LRRC37A2: variants seen among roughly 807,000 people sequenced by gnomAD.
LRRC37A2 encodes the protein leucine rich repeat containing 37 member A2, also known as leucine-rich repeat-containing protein 37A2.
LRRC37A2 carries 9 observed loss-of-function variants against 68.8 expected under a neutral mutation model. That is an observed-to-expected ratio of 0.13 (90% CI 0.08 to 0.23). The LOEUF (loss-of-function observed/expected upper bound fraction) is 0.23, where lower values mean the gene tolerates loss of function less well. LRRC37A2 is among the 10% of genes least tolerant of loss of function. The probability of loss-of-function intolerance (pLI) is 1.00; values close to 1 mark genes in which losing one functional copy is unlikely to be tolerated. For synonymous variants in LRRC37A2, 63 were observed against 367.6 expected (o/e 0.17, Z 9.48); for missense variants, 168 against 950.4 (o/e 0.18, Z 10.82).
chr17:46,605,187 C>T, the LRRC37A2 span, among the ~76,000 whole-genome samples: 1 of 68,188 alleles, frequency 1.5e-5, no homozygotes, highest in Non-Finnish European at 3.2e-5. Flanking sequence ...CATGGTGGCT[C>T]ACGCCTGTAA....
At chr17:46,849,114 G>T in the LRRC37A2 span, among the ~76,000 whole-genome samples, 1 of 152,238 alleles carries the variant, frequency 6.6e-6, no homozygotes, top group Non-Finnish European at 1.5e-5. Context: ...ACCTGGTACA[G>T]TTCTAACATC....
chr17:46,748,116 T>A, the LRRC37A2 span, among the ~76,000 whole-genome samples: 2 of 152,172 alleles, frequency 1.3e-5, no homozygotes, highest in Non-Finnish European at 2.9e-5. Context: ...TTTATTTATT[T>A]ATTTTTTTGA....
the LRRC37A2 span, among the ~76,000 whole-genome samples, chr17:46,748,625 G>T: frequency 6.6e-6 from 1 of 152,208 alleles, no homozygotes; most frequent in Non-Finnish European, 1.5e-5. Context: ...AGAGAGGAAA[G>T]CTCCAGAACT....
the LRRC37A2 span, among the ~76,000 whole-genome samples, chr17:46,752,504 G>A: frequency 6.6e-6 from 1 of 151,810 alleles, no homozygotes; most frequent in African/African-American, 2.4e-5. Flanking sequence ...CTCCCAGGCC[G>A]GAATGCAGTG....
chr17:46,781,227 C>A, the LRRC37A2 span, among the ~76,000 whole-genome samples: 2 of 55,456 alleles, frequency 3.6e-5, no homozygotes, highest in South Asian at 1.2e-3. Context: ...CTCTGTCCCC[C>A]CAACCAAAAA....
At chr17:47,033,716 T>A in the LRRC37A2 span, among the ~76,000 whole-genome samples, 3 of 152,232 alleles carry the variant, frequency 2.0e-5, no homozygotes, top group Non-Finnish European at 4.4e-5. Context: ...ACAGAAGAAT[T>A]TGGAGGGAAA....
chr17:46,843,102 G>A, the LRRC37A2 span, among the ~76,000 whole-genome samples: 3 of 152,234 alleles, frequency 2.0e-5, no homozygotes, highest in African/African-American at 4.8e-5. Context: ...TCATGAGGAA[G>A]AAGGTGGGCA....
chr17:46,728,311 A>G, the LRRC37A2 span, among the ~76,000 whole-genome samples: 5 of 152,162 alleles, frequency 3.3e-5, no homozygotes, highest in African/African-American at 1.2e-4. Context: ...ATTTTCTAAC[A>G]TCATGTTTTA....
At chr17:46,714,082 A>T in the LRRC37A2 span, 2 of 1,286,254 alleles carry the variant, frequency 1.6e-6, no homozygotes, top group Non-Finnish European at 2.1e-6. Context: ...ATATAAACCC[A>T]TAGCAACTAT....
At chr17:46,759,487 TTCTG>T in the LRRC37A2 span, among the ~76,000 whole-genome samples, 12 of 152,236 alleles carry the variant, frequency 7.9e-5, no homozygotes, top group Non-Finnish European at 1.8e-4. Flanking sequence ...GCCATGCAAC[TTCTG>T]TCTCACTATT....
chr17:46,952,163 T>C, the LRRC37A2 span, among the ~76,000 whole-genome samples: 6 of 152,246 alleles, frequency 3.9e-5, no homozygotes, highest in African/African-American at 1.4e-4. Flanking sequence ...ATCTCGTCTT[T>C]GGACTACAAA....
chr17:46,925,247 G>A, the LRRC37A2 span, among the ~76,000 whole-genome samples: 4 of 152,224 alleles, frequency 2.6e-5, no homozygotes, highest in Non-Finnish European at 5.9e-5. Context: ...ACTAATTGAT[G>A]TACCTGTGTT....
chr17:46,933,020 T>C, the LRRC37A2 span: 2 of 152,340 alleles, frequency 1.3e-5, no homozygotes, highest in East Asian at 3.8e-4. Context: ...TCCCAAGTGT[T>C]TCAGGCTGTG....
At chr17:47,042,276 C>A in the LRRC37A2 span, among the ~76,000 whole-genome samples, 11 of 149,932 alleles carry the variant, frequency 7.3e-5, no homozygotes, top group African/African-American at 2.7e-4. Flanking sequence ...CTGCAACCTC[C>A]ACCTCCCGGG....
the LRRC37A2 span, chr17:46,755,460 G>GT: frequency 9.0e-7 from 1 of 1,109,238 alleles, no homozygotes; most frequent in Admixed American, 1.8e-5. Flanking sequence ...TCCTAGATAA[G>GT]TTTGTTTCCA....
At chr17:46,716,281 G>GA in the LRRC37A2 span, among the ~76,000 whole-genome samples, 2 of 148,858 alleles carry the variant, frequency 1.3e-5, no homozygotes, top group Admixed American at 6.7e-5. Flanking sequence ...TTTTGAGATG[G>GA]AGTCTTGCTC....
the LRRC37A2 span, among the ~76,000 whole-genome samples, chr17:46,710,593 T>C: frequency 6.6e-6 from 1 of 152,266 alleles, no homozygotes; most frequent in Non-Finnish European, 1.5e-5. Context: ...TCTATTGCGC[T>C]GTTTCTAAGT....
chr17:46,910,434 T>C, the LRRC37A2 span, among the ~76,000 whole-genome samples: 1 of 152,186 alleles, frequency 6.6e-6, no homozygotes, highest in Non-Finnish European at 1.5e-5. Flanking sequence ...CGAGTGCCGC[T>C]GCTCTAGTGA....
At chr17:46,993,571 G>A in the LRRC37A2 span, among the ~76,000 whole-genome samples, 1,482 of 152,354 alleles carry the variant, frequency 9.7e-3, 29 homozygotes, top group African/African-American at 0.034. Flanking sequence ...AAGTTCATCC[G>A]CAGCCACTGG....
Sources: allele counts gnomAD v4.1 joint callset (sites outside exome capture counted in the v4.1 genomes callset), GRCh38; gene constraint gnomAD v4.1.1; transcripts MANE v1.5; gene names NCBI Gene and HGNC (gene_info 2026-07-23, HGNC 2026-07-21).